TACR3: variants seen among roughly 807,000 people sequenced by gnomAD.
The protein encoded by TACR3 is neuromedin-K receptor.
A neutral mutation model predicts 35.0 loss-of-function variants in TACR3; 34 were observed. The ratio of observed to expected loss-of-function variants is 0.97; its 90% confidence interval spans 0.74 to 1.30. TACR3 has a LOEUF of 1.30. Ranked by LOEUF, TACR3 falls within the 50% of genes most tolerant of loss-of-function variation. TACR3 has a pLI of 0.00. For synonymous variants in TACR3, 233 were observed against 221.1 expected (o/e 1.05, Z -0.48); for missense variants, 558 against 591.7 (o/e 0.94, Z 0.59).
intron 3 of TACR3, among the ~76,000 whole-genome samples, chr4:103,605,099 T>C (rs1724323343): frequency 6.7e-6 from 1 of 149,808 alleles, no homozygotes; most frequent in African/African-American, 2.5e-5. Flanking sequence ...TTTTTTGCGA[T>C]AGTTTACTGA....
intron 1 of TACR3, among the ~76,000 whole-genome samples, chr4:103,686,113 G>C (rs570885220): frequency 6.6e-6 from 1 of 152,268 alleles, no homozygotes; most frequent in East Asian, 1.9e-4. Flanking sequence ...TGATTCAGGG[G>C]AAGAGACAGT....
At chr4:103,706,157 G>A (rs565674493) in intron 1 of TACR3, among the ~76,000 whole-genome samples, 1 of 152,176 alleles carries the variant, frequency 6.6e-6, no homozygotes, top group East Asian at 1.9e-4. Context: ...ACTTTTTATT[G>A]AAACACTGAA....
intron 3 of TACR3, among the ~76,000 whole-genome samples, chr4:103,646,494 ATACAGCTGTTG>A (rs1725457721): frequency 6.6e-6 from 1 of 151,968 alleles, no homozygotes; most frequent in Admixed American, 6.6e-5. Flanking sequence ...ATGTCCAATC[ATACAGCTGTTG>A]ATTAGTATAA....
At chr4:103,665,146 A>G (rs1438946084) in intron 1 of TACR3, among the ~76,000 whole-genome samples, 1 of 151,960 alleles carries the variant, frequency 6.6e-6, no homozygotes, top group Non-Finnish European at 1.5e-5. Flanking sequence ...AGAATAAATG[A>G]ATCATTTAGA....
chr4:103,623,018 GTCC>G (rs896039108), intron 3 of TACR3, among the ~76,000 whole-genome samples: 28 of 152,148 alleles, frequency 1.8e-4, no homozygotes, highest in African/African-American at 6.0e-4. Context: ...GGATCTACCT[GTCC>G]TCCAACTGGA....
chr4:103,712,978 A>G (rs994359963), intron 1 of TACR3, among the ~76,000 whole-genome samples: 13 of 152,112 alleles, frequency 8.5e-5, no homozygotes, highest in Non-Finnish European at 1.6e-4. Flanking sequence ...GGAAACAACC[A>G]GTGCTGGAGA....
intron 1 of TACR3, among the ~76,000 whole-genome samples, chr4:103,704,203 T>C (rs1045631154): frequency 1.3e-5 from 2 of 151,654 alleles, no homozygotes; most frequent in Non-Finnish European, 2.9e-5. Flanking sequence ...CCATATTCTA[T>C]TTAGAATACA....
intron 1 of TACR3, among the ~76,000 whole-genome samples, chr4:103,718,667 G>A (rs1479772567): frequency 6.6e-6 from 1 of 152,182 alleles, no homozygotes; most frequent in Non-Finnish European, 1.5e-5. Context: ...ATGAGGAACA[G>A]ACAGAAGAGG....
chr4:103,635,826 C>A (rs868154399), intron 3 of TACR3, among the ~76,000 whole-genome samples: 2 of 151,892 alleles, frequency 1.3e-5, no homozygotes, highest in Non-Finnish European at 2.9e-5. Context: ...AAACAATGAT[C>A]CTACCAACAT....
chr4:103,627,352 T>TAAAAATACAAAAAAAAAAAAA (rs1271100817), intron 3 of TACR3, among the ~76,000 whole-genome samples: 1 of 82,478 alleles, frequency 1.2e-5, no homozygotes, highest in African/African-American at 4.8e-5. Flanking sequence ...GTGTTTCCAT[T>TAAAAATACAAAAAAAAAAAAA]AAAAAAAAAA....
chr4:103,609,297 T>G (rs920259760), intron 3 of TACR3, among the ~76,000 whole-genome samples: 1 of 152,182 alleles, frequency 6.6e-6, no homozygotes, highest in Admixed American at 6.5e-5. Context: ...AATATTGTGT[T>G]AGTGTGATTT....
At position 103,618,564 on chromosome 4, in the gene TACR3, C is replaced by CTTTTTTTTTTTTT. The variant is rs57837921; in HGVS notation, c.889-26894_889-26882dup. 2.4e-4 allele frequency among the ~76,000 whole-genome samples: 15 copies of CTTTTTTTTTTTTT among 61,446 alleles called. 1 individual carries two copies. Among genetic ancestry groups the CTTTTTTTTTTTTT allele is most frequent in the African/African-American group, 1.1e-3 (12 of 11,004 alleles). The allele number at this position is 61,446 out of a possible 152,430, so 40.3% of individuals were successfully genotyped here. The stretch of plus-strand genomic sequence containing the variant: ...CTTAGGATTGCTTTGGTGACTTGGG[C>CTTTTTTTTTTTTT]TTTTTTTTTTTTTTTTTTTTTTTTT... On this transcript the variant is annotated intron_variant, in intron 3 of 4. Transcript: ENST00000304883.
intron 1 of TACR3, among the ~76,000 whole-genome samples, chr4:103,702,477 G>T (rs1160876167): frequency 6.6e-6 from 1 of 152,178 alleles, no homozygotes; most frequent in Non-Finnish European, 1.5e-5. Context: ...TTCAACCATT[G>T]TGGAAGTCAG....
intron 3 of TACR3, among the ~76,000 whole-genome samples, chr4:103,655,898 T>C (rs1461829647): frequency 1.3e-5 from 2 of 151,960 alleles, no homozygotes; most frequent in Non-Finnish European, 2.9e-5. Context: ...AAAAATACAA[T>C]CAACTGGAAT....
chr4:103,652,578 T>C (rs1725645430), intron 3 of TACR3, among the ~76,000 whole-genome samples: 1 of 152,014 alleles, frequency 6.6e-6, no homozygotes, highest in Admixed American at 6.6e-5. Flanking sequence ...GAAATGATTA[T>C]TTTTGTGTGT....
At chr4:103,631,726 A>T (rs1459750649) in intron 3 of TACR3, among the ~76,000 whole-genome samples, 1 of 152,172 alleles carries the variant, frequency 6.6e-6, no homozygotes, top group African/African-American at 2.4e-5. Flanking sequence ...GTCACATCAC[A>T]TGACTGTAGA....
intron 1 of TACR3, among the ~76,000 whole-genome samples, chr4:103,667,061 C>A (rs138920226): frequency 1.6e-4 from 24 of 152,186 alleles, no homozygotes; most frequent in Admixed American, 1.2e-3. Flanking sequence ...AGTTCAAGAC[C>A]AGCCTGGCCA....
At chr4:103,617,210 A>G (rs1560808452) in intron 3 of TACR3, among the ~76,000 whole-genome samples, 1 of 151,714 alleles carries the variant, frequency 6.6e-6, no homozygotes, top group African/African-American at 2.4e-5. Context: ...AGACCTTTAA[A>G]TAAGTACGAT....
chr4:103,676,411 CA>C (rs1188133996), intron 1 of TACR3, among the ~76,000 whole-genome samples: 2 of 152,114 alleles, frequency 1.3e-5, no homozygotes, highest in African/African-American at 4.8e-5. Flanking sequence ...ATGCAGTAGA[CA>C]GTCAACCTAA....
Sources: gnomAD v4.1 joint callset for allele counts (sites outside exome capture counted in the v4.1 genomes callset) on GRCh38, gnomAD v4.1.1 for gene constraint, MANE v1.5 for transcripts, NCBI Gene and HGNC (gene_info 2026-07-23, HGNC 2026-07-21) for gene names.